The following GNG7 variants were observed in gnomAD, a reference collection of about 807,000 sequenced individuals.
GNG7 encodes the protein guanine nucleotide-binding protein G(I)/G(S)/G(O) subunit gamma-7.
GNG7 carries 1 observed loss-of-function variant against 4.0 expected under a neutral mutation model. The ratio of observed to expected loss-of-function variants is 0.25; its 90% confidence interval spans 0.09 to 1.18. GNG7 has a LOEUF of 1.18. Among genes scored for constraint, GNG7 ranks in the 50% most tolerant of loss-of-function variants. GNG7 has a pLI of 0.50. For synonymous variants in GNG7, 34 were observed against 36.9 expected (o/e 0.92, Z 0.29); for missense variants, 86 against 91.9 (o/e 0.94, Z 0.26).
intron 1 of GNG7, among the ~76,000 whole-genome samples, chr19:2,689,915 C>T (rs1357601778): frequency 6.6e-6 from 1 of 152,296 alleles, no homozygotes; most frequent in South Asian, 2.1e-4. Context: ...GACTTAACTA[C>T]ACCATGGTAG....
Position 2,637,744 on chromosome 19 carries a change from G to A in GNG7, c.-78+8480C>T, listed in dbSNP as rs549486798. ...GGGGCCGTCCTGGGCACCATAGGGT[G>A]CTGAGCAGCGTCCCTGGCCTCCATC... On this transcript the variant is annotated intron_variant, in intron 2 of 4. Coordinates refer to ENST00000382159, the MANE Select transcript of GNG7 (RefSeq NM_052847.3). Among the ~76,000 whole-genome samples the A allele has an allele frequency of 6.0e-3, 911 of 151,958 alleles. 5 individuals are homozygous for A. The highest frequency in any genetic ancestry group is 0.021 in the African/African-American group (867 of 41,450).
chr19:2,585,764 G>A (rs185512402), intron 2 of GNG7, among the ~76,000 whole-genome samples: 1 of 152,056 alleles, frequency 6.6e-6, no homozygotes, highest in African/African-American at 2.4e-5. Context: ...GCAGTGGCGC[G>A]ATCTCGGCTC....
At position 2,525,713 on chromosome 19, in the gene GNG7, G is replaced by A. The variant is rs537767141; in HGVS notation, c.-37-4988C>T. On this transcript the variant is annotated intron_variant, in intron 3 of 4. Coordinates refer to ENST00000382159, the MANE Select transcript of GNG7 (RefSeq NM_052847.3). ...AACCCCTTGCTCCGGCAGTTATCCC[G>A]AGGGCAAAAAATGAAAAGAAATAAA... Among the ~76,000 whole-genome samples the A allele has an allele frequency of 5.9e-5, 9 of 152,142 alleles. No homozygotes were observed. In the South Asian group the frequency reaches 1.7e-3, roughly 28 times the overall value.
intron 2 of GNG7, among the ~76,000 whole-genome samples, chr19:2,562,136 C>T (rs1979760388): frequency 6.6e-6 from 1 of 152,154 alleles, no homozygotes; most frequent in Admixed American, 6.5e-5. Flanking sequence ...TCCACCCACT[C>T]AGGGGTTTGC....
At chr19:2,685,134 A>G (rs1311009495) in intron 1 of GNG7, among the ~76,000 whole-genome samples, 1 of 151,740 alleles carries the variant, frequency 6.6e-6, no homozygotes, top group East Asian at 1.9e-4. Flanking sequence ...AAAAAAAAAA[A>G]AGAAAGAAAA....
At chr19:2,532,605 T>C (rs1599376557) in intron 3 of GNG7, among the ~76,000 whole-genome samples, 1 of 152,088 alleles carries the variant, frequency 6.6e-6, no homozygotes, top group Non-Finnish European at 1.5e-5. Context: ...TAAAAAGACC[T>C]CAAGCCACAG....
At chr19:2,655,362 A>G (rs1982939366) in intron 1 of GNG7, among the ~76,000 whole-genome samples, 1 of 152,114 alleles carries the variant, frequency 6.6e-6, no homozygotes. Context: ...GCAAATTAAA[A>G]CCAAAATGAG....
At chr19:2,664,867 G>A (rs1486449300) in intron 1 of GNG7, among the ~76,000 whole-genome samples, 3 of 152,082 alleles carry the variant, frequency 2.0e-5, no homozygotes, top group Admixed American at 6.6e-5. Context: ...CCCACTCCAC[G>A]CCACGACCAT....
chr19:2,649,919 C>G (rs951257249), intron 1 of GNG7, among the ~76,000 whole-genome samples: 18 of 151,702 alleles, frequency 1.2e-4, no homozygotes, highest in South Asian at 4.2e-4. Context: ...GCGGATGGGT[C>G]TGTCCTGGAC....
intron 1 of GNG7, among the ~76,000 whole-genome samples, chr19:2,661,290 GAAAGAAAGAAAGAGAAAGAAA>G (rs1983153382): frequency 4.6e-4 from 22 of 47,614 alleles, no homozygotes; most frequent in East Asian, 2.6e-3. Context: ...AAGAAAGAAA[GAAAGAAAGAAAGAGAAAGAAA>G]GAAAGAAAGA....
At chr19:2,612,707 A>T (rs2965213) in intron 2 of GNG7, among the ~76,000 whole-genome samples, 121,814 of 137,396 alleles carry the variant, frequency 0.89, 53,755 homozygotes, top group Middle Eastern at 0.93. Context: ...TTTTTGAGAA[A>T]TTTTTTTTTT....
At position 2,554,557 on chromosome 19, in the gene GNG7, A is replaced by ATT. The variant is rs1462834239; in HGVS notation, c.-38+591_-38+592insAA. Among the ~76,000 whole-genome samples the ATT allele has an allele frequency of 1.8e-4, 13 of 71,710 alleles. No homozygotes were observed. The East Asian group carries it at 7.5e-3, about 42-fold the overall frequency. The allele number at this position is 71,710 out of a possible 152,430, so 47.0% of individuals were successfully genotyped here. On this transcript the variant is annotated intron_variant, in intron 3 of 4. Coordinates refer to ENST00000382159, the MANE Select transcript of GNG7 (RefSeq NM_052847.3). Reference sequence around the variant, plus strand: ...AAATATATATGCTATATATATATATATATTTTTTTTTTTTTGAGACAGAGT... The same window carrying ATT: ...AAATATATATGCTATATATATATATATTTATTTTTTTTTTTTTGAGACAGAGT...
intron 1 of GNG7, among the ~76,000 whole-genome samples, chr19:2,691,327 T>C (rs1000470376): frequency 2.0e-5 from 3 of 152,048 alleles, no homozygotes; most frequent in African/African-American, 7.2e-5. Context: ...GAGGATTGCT[T>C]GAGCTCAGGA....
At chr19:2,648,147 A>C (rs56126780) in intron 1 of GNG7, among the ~76,000 whole-genome samples, 43,279 of 151,772 alleles carry the variant, frequency 0.29, 6,783 homozygotes, top group African/African-American at 0.41. Flanking sequence ...AGCTTATAGA[A>C]ATGTACCCAC....
At chr19:2,657,110 G>A (rs1982995673) in intron 1 of GNG7, among the ~76,000 whole-genome samples, 1 of 151,504 alleles carries the variant, frequency 6.6e-6, no homozygotes, top group South Asian at 2.1e-4. Context: ...TAGGAGGACA[G>A]ATTTCTTGAG....
intron 1 of GNG7, among the ~76,000 whole-genome samples, chr19:2,663,345 TCC>T (rs144943909): frequency 1.4e-5 from 2 of 147,408 alleles, no homozygotes; most frequent in Non-Finnish European, 3.0e-5. Context: ...TCTCTCTCTC[TCC>T]CCCCCCTCCT....
chr19:2,696,176 AGAGAGAGAG>A (rs1229748110), intron 1 of GNG7, among the ~76,000 whole-genome samples: 1 of 146,222 alleles, frequency 6.8e-6, no homozygotes, highest in Non-Finnish European at 1.5e-5. Context: ...AAAGAGAGAA[AGAGAGAGAG>A]GAGAGAGAGG....
chr19:2,602,581 C>T (rs370153607), intron 2 of GNG7, among the ~76,000 whole-genome samples: 4 of 152,272 alleles, frequency 2.6e-5, no homozygotes, highest in South Asian at 2.1e-4. Flanking sequence ...GGCGGACAGA[C>T]GGGCAGCAGG....
chr19:2,664,151 G>A (rs1019649666), intron 1 of GNG7, among the ~76,000 whole-genome samples: 3 of 152,154 alleles, frequency 2.0e-5, no homozygotes, highest in Non-Finnish European at 4.4e-5. Flanking sequence ...TGGGCAGGAC[G>A]GGCTGTCAGA....
Sources: gnomAD v4.1 joint callset for allele counts (sites outside exome capture counted in the v4.1 genomes callset) on GRCh38, gnomAD v4.1.1 for gene constraint, MANE v1.5 for transcripts, NCBI Gene and HGNC (gene_info 2026-07-23, HGNC 2026-07-21) for gene names.